Variants in PLEKHA1 observed in about 807,000 individuals in gnomAD.
The protein encoded by PLEKHA1 is pleckstrin homology domain-containing family A member 1.
PLEKHA1 carries 34 observed loss-of-function variants against 52.0 expected under a neutral mutation model. That is an observed-to-expected ratio of 0.65 (90% CI 0.50 to 0.87). The LOEUF is 0.87. Ranked by LOEUF, PLEKHA1 falls within the 40% of genes least tolerant of loss-of-function variation. The pLI, the probability that PLEKHA1 is intolerant of heterozygous loss-of-function variation, is 0.00. For synonymous variants in PLEKHA1, 163 were observed against 170.7 expected (o/e 0.95, Z 0.35); for missense variants, 497 against 504.2 (o/e 0.99, Z 0.14).
chr10:122,375,728 T>G (rs2096524706), intron 1 of PLEKHA1, among the ~76,000 whole-genome samples: 1 of 152,154 alleles, frequency 6.6e-6, no homozygotes, highest in South Asian at 2.1e-4. Flanking sequence ...ATGAAACTCC[T>G]TTGCTCTCTG....
chr10:122,412,533 TG>T (rs2097121860), intron 5 of PLEKHA1: 1 of 164,512 alleles, frequency 6.1e-6, no homozygotes, highest in South Asian at 1.8e-4. Flanking sequence ...GCACAGCAGT[TG>T]GGCTTGGAAG....
At chr10:122,384,375 G>A (rs1029198493) in intron 1 of PLEKHA1, among the ~76,000 whole-genome samples, 7 of 150,082 alleles carry the variant, frequency 4.7e-5, no homozygotes, top group Non-Finnish European at 1.0e-4. Context: ...TTGGGAGGCC[G>A]AGATGGGCGG....
rs1459462120 is a variant in PLEKHA1, at chr10:122,431,347, T to A, written c.*1409T>A. 2 of 152,692 alleles carry A rather than the reference T, an allele frequency of 1.3e-5. No homozygotes were observed. Among genetic ancestry groups the A allele is most frequent in the Non-Finnish European group, 2.9e-5 (2 of 68,094 alleles). 9.5% of individuals were successfully genotyped at this position (152,692 alleles called of 1,614,324 possible). ...GTTGGCCAGGCTCGTCTCGAACTCC[T>A]GACTTCAGGTGATCCACCCATCTCA... On this transcript the variant is annotated 3_prime_UTR_variant, in exon 12 of 12. Coordinates refer to ENST00000368990, the MANE Select transcript of PLEKHA1 (RefSeq NM_001001974.4).
Position 122,393,210 on chromosome 10 carries a change from G to A in PLEKHA1, c.10G>A (p.Val4Met). The change falls in exon 2 of 12, where the codon GTG becomes ATG. Residue 4 changes from valine to methionine, a missense_variant. Transcript: ENST00000368990. The surrounding 1 kb of genome is among the most constrained non-coding windows in gnomAD (Gnocchi z 4.5). Reference sequence around the variant, plus strand: ...ATGTTCAAGCTCAGAAATGCCTTATGTGGATCGTCAGAATCGCATTTGTGG... The same window carrying A: ...ATGTTCAAGCTCAGAAATGCCTTATATGGATCGTCAGAATCGCATTTGTGG... MPY[V>M]DRQNRICGFL... 1 of 1,611,216 alleles carries A rather than the reference G, an allele frequency of 6.2e-7. No homozygotes were observed. Among genetic ancestry groups the A allele is most frequent in the South Asian group, 1.1e-5 (1 of 90,128 alleles).
downstream of PLEKHA1, chr10:122,434,236 A>C (rs936408919): frequency 6.6e-6 from 1 of 152,202 alleles, no homozygotes; most frequent in Non-Finnish European, 1.5e-5. Flanking sequence ...TTTTATTTAA[A>C]GCTTATTCCT....
intron 11 of PLEKHA1, chr10:122,428,192 C>T: frequency 7.7e-7 from 1 of 1,301,992 alleles, no homozygotes; most frequent in Non-Finnish European, 1.0e-6. Context: ...GACTATCTAG[C>T]TATGACTGTC....
At chr10:122,379,430 AT>A (rs200413546) in intron 1 of PLEKHA1, among the ~76,000 whole-genome samples, 7,736 of 152,256 alleles carry the variant, frequency 0.051, 253 homozygotes, top group East Asian at 0.14. Context: ...AAGTAGACAC[AT>A]GGGGTCAGTC....
chr10:122,410,771 T>C (rs1458383093), intron 5 of PLEKHA1, among the ~76,000 whole-genome samples: 1 of 152,320 alleles, frequency 6.6e-6, no homozygotes, highest in East Asian at 1.9e-4. Context: ...TTTTTTAGAA[T>C]GATTTTAAAG....
chr10:122,384,089 C>T (rs1015181373), intron 1 of PLEKHA1, among the ~76,000 whole-genome samples: 4 of 152,080 alleles, frequency 2.6e-5, no homozygotes, highest in African/African-American at 4.8e-5. Context: ...ATGAGTGATA[C>T]TGAATATCTC....
the PLEKHA1 span, chr10:122,441,240 C>T: frequency 2.0e-5 from 3 of 152,080 alleles, no homozygotes; most frequent in Non-Finnish European, 4.4e-5. Context: ...GAAGCCGAGG[C>T]GAGAAGATTG....
At chr10:122,436,653 G>A (rs1226962166), downstream of PLEKHA1, 1 of 152,234 alleles carries the variant, frequency 6.6e-6, no homozygotes, top group African/African-American at 2.4e-5. Context: ...AAAATATAAA[G>A]TAATATGTGA....
At chr10:122,435,302 T>G (rs1389072132), downstream of PLEKHA1, 2 of 152,210 alleles carry the variant, frequency 1.3e-5, no homozygotes, top group East Asian at 3.8e-4. Flanking sequence ...AAACCTCAAG[T>G]AAGACACATG....
At chr10:122,399,038 C>G (rs1471096430) in intron 3 of PLEKHA1, among the ~76,000 whole-genome samples, 4 of 152,138 alleles carry the variant, frequency 2.6e-5, no homozygotes, top group African/African-American at 4.8e-5. Flanking sequence ...TCCTCCATTG[C>G]TCTTCTTTTA....
chr10:122,379,984 T>C (rs1201355192), intron 1 of PLEKHA1, among the ~76,000 whole-genome samples: 2 of 152,226 alleles, frequency 1.3e-5, no homozygotes, highest in African/African-American at 4.8e-5. Flanking sequence ...TGAGTAAAGC[T>C]GAAGGAGAAA....
chr10:122,428,936 AACT>A (rs1262251601), intron 11 of PLEKHA1, among the ~76,000 whole-genome samples: 3 of 152,204 alleles, frequency 2.0e-5, no homozygotes, highest in East Asian at 1.9e-4. Flanking sequence ...TAACATTCTC[AACT>A]ACTAATTATT....
At chr10:122,398,061 G>A (rs2096874947) in intron 3 of PLEKHA1, 87 bp downstream of exon 3, 3 of 1,084,122 alleles carry the variant, frequency 2.8e-6, no homozygotes, top group Admixed American at 1.8e-5. Context: ...TCCTTTCCAT[G>A]TCCTTTAACA....
intron 7 of PLEKHA1, among the ~76,000 whole-genome samples, chr10:122,416,416 GTAAGC>G (rs1565279355): frequency 6.6e-6 from 1 of 152,182 alleles, no homozygotes; most frequent in Non-Finnish European, 1.5e-5. Flanking sequence ...GACCTCCGTG[GTAAGC>G]TCTCTGACCT....
At position 122,432,036 on chromosome 10, in the gene PLEKHA1, C is replaced by T. The variant is rs1297699534; in HGVS notation, c.*2098C>T. On this transcript the variant is annotated 3_prime_UTR_variant, in exon 12 of 12. Coordinates refer to ENST00000368990, the MANE Select transcript of PLEKHA1 (RefSeq NM_001001974.4). ...ATTTTAAAATAGAACTATCCTTGTT[C>T]GATAGCATAGGAAAATGTTCTGGTG... 1 of 152,016 alleles carries T rather than the reference C, an allele frequency of 6.6e-6. No individual in the cohort carries two copies. The allele number at this position is 152,016 out of a possible 1,614,324, so 9.4% of individuals were successfully genotyped here. A position where few individuals can be genotyped will look rare whatever the true frequency, so the allele number is the denominator to read the frequency against.
chr10:122,438,261 A>C, the PLEKHA1 span: 1 of 152,250 alleles, frequency 6.6e-6, no homozygotes. Context: ...TGTCTCAAAA[A>C]ACAAACAGAA....
Sources: allele counts gnomAD v4.1 joint callset (sites outside exome capture counted in the v4.1 genomes callset), GRCh38; gene constraint gnomAD v4.1.1; non-coding constraint Gnocchi (gnomAD v3.1); transcripts MANE v1.5; gene names NCBI Gene and HGNC (gene_info 2026-07-23, HGNC 2026-07-21).